Variants in PALLD observed in about 807,000 individuals in gnomAD.
PALLD encodes the protein palladin, cytoskeletal associated protein.
A neutral mutation model predicts 123.5 loss-of-function variants in PALLD; 61 were observed. The ratio of observed to expected loss-of-function variants is 0.49; its 90% confidence interval spans 0.40 to 0.61. The LOEUF is 0.61. Among genes scored for constraint, PALLD ranks in the 20% least tolerant of loss-of-function variants. PALLD has a pLI of 0.00. For missense variants in PALLD, 1,273 were observed against 1,377.0 expected, an observed-to-expected ratio of 0.92 and a Z score of 1.20; for synonymous variants, 465 against 496.4, an observed-to-expected ratio of 0.94 and a Z score of 0.84.
At position 168,822,604 on chromosome 4, in the gene PALLD, G is replaced by T. The variant is rs181095687; in HGVS notation, c.1965-68318G>T. Among the ~76,000 whole-genome samples, 485 of 152,216 alleles carry T rather than the reference G, an allele frequency of 3.2e-3. 1 individual carries two copies. Among genetic ancestry groups the T allele is most frequent in the Non-Finnish European group, 5.4e-3 (369 of 68,020 alleles). On this transcript the variant is annotated intron_variant, in intron 10 of 21. Coordinates refer to ENST00000505667, the MANE Select transcript of PALLD (RefSeq NM_001166108.2). ...AGGGATTTTTGTTAAGCCTTTTAAG[G>T]GTATCCAAATGAATTAACTATTGTG...
chr4:168,856,224 T>A (rs192281705), intron 10 of PALLD, among the ~76,000 whole-genome samples: 152 of 152,372 alleles, frequency 1.0e-3, no homozygotes, highest in Non-Finnish European at 2.0e-3. Context: ...ATGTACCACA[T>A]TGTCTTTATC....
chr4:168,507,956 T>G (rs1333810825), intron 1 of PALLD, among the ~76,000 whole-genome samples: 1 of 152,034 alleles, frequency 6.6e-6, no homozygotes, highest in African/African-American at 2.4e-5. Context: ...CCTCTTCACC[T>G]CCCCGCTCTT....
intron 2 of PALLD, among the ~76,000 whole-genome samples, chr4:168,610,479 T>C (rs1481935734): frequency 6.6e-6 from 1 of 152,194 alleles, no homozygotes; most frequent in African/African-American, 2.4e-5. Flanking sequence ...GGAGGGGTGC[T>C]GGGGAAGGCA....
chr4:168,565,113 A>G (rs28503870), intron 2 of PALLD, among the ~76,000 whole-genome samples: 3,889 of 152,094 alleles, frequency 0.026, 163 homozygotes, highest in African/African-American at 0.088. Flanking sequence ...GATGGATTGA[A>G]CCCAGGAGGT....
chr4:168,534,017 T>C (rs1039308896), intron 2 of PALLD, among the ~76,000 whole-genome samples: 3 of 152,250 alleles, frequency 2.0e-5, no homozygotes, highest in Admixed American at 6.5e-5. Flanking sequence ...TAATATATTA[T>C]GGTTCATCAG....
chr4:168,875,313 C>T (rs920871903), intron 10 of PALLD, among the ~76,000 whole-genome samples: 2 of 152,012 alleles, frequency 1.3e-5, no homozygotes, highest in Non-Finnish European at 2.9e-5. Context: ...TTCATTCTTT[C>T]GGCCTTTTTA....
intron 2 of PALLD, among the ~76,000 whole-genome samples, chr4:168,545,158 A>G (rs1424698006): frequency 6.6e-6 from 1 of 152,162 alleles, no homozygotes; most frequent in Non-Finnish European, 1.5e-5. Flanking sequence ...TCCAAAACTC[A>G]AATTCCTTAC....
intron 1 of PALLD, among the ~76,000 whole-genome samples, chr4:168,504,322 A>G (rs1481208829): frequency 3.9e-5 from 6 of 152,212 alleles, no homozygotes; most frequent in Non-Finnish European, 8.8e-5. Flanking sequence ...TTGGCCAGGC[A>G]TGGTGGCTCA....
chr4:168,560,751 C>T (rs1211628798), intron 2 of PALLD, among the ~76,000 whole-genome samples: 2 of 152,108 alleles, frequency 1.3e-5, no homozygotes, highest in Non-Finnish European at 1.5e-5. Flanking sequence ...AAGCACCAAA[C>T]CTATTAGTTT....
chr4:168,881,372 C>T (rs943509480), intron 10 of PALLD, among the ~76,000 whole-genome samples: 2 of 151,908 alleles, frequency 1.3e-5, no homozygotes, highest in Non-Finnish European at 2.9e-5. Flanking sequence ...GAGGTCAAAG[C>T]AGGGAACAAA....
chr4:168,837,506 G>A (rs552156820), intron 10 of PALLD, among the ~76,000 whole-genome samples: 16 of 152,286 alleles, frequency 1.1e-4, no homozygotes, highest in African/African-American at 3.9e-4. Flanking sequence ...ATACACTCAA[G>A]GTAAACCTGG....
At chr4:168,632,309 T>C (rs1775914994) in intron 2 of PALLD, among the ~76,000 whole-genome samples, 2 of 152,166 alleles carry the variant, frequency 1.3e-5, no homozygotes, top group African/African-American at 2.4e-5. Flanking sequence ...TGTAATCGGC[T>C]CCATCCTCGG....
At chr4:168,637,663 G>A (rs941619143) in intron 2 of PALLD, among the ~76,000 whole-genome samples, 61 of 152,226 alleles carry the variant, frequency 4.0e-4, no homozygotes, top group African/African-American at 1.3e-3. Flanking sequence ...CTGAGGATTA[G>A]CCAGGCGCAG....
intron 10 of PALLD, among the ~76,000 whole-genome samples, chr4:168,860,460 T>G (rs966810427): frequency 2.6e-5 from 4 of 152,208 alleles, no homozygotes; most frequent in Non-Finnish European, 5.9e-5. Context: ...GTACTCTTCT[T>G]GCTCACTCCA....
intron 10 of PALLD, among the ~76,000 whole-genome samples, chr4:168,860,203 G>A (rs566417006): frequency 1.5e-3 from 224 of 152,278 alleles, no homozygotes; most frequent in African/African-American, 4.8e-3. Context: ...GCTGCTGAGT[G>A]TACAAACCAG....
At chr4:168,684,660 A>G (rs1239318593) in intron 5 of PALLD, among the ~76,000 whole-genome samples, 1 of 152,232 alleles carries the variant, frequency 6.6e-6, no homozygotes, top group African/African-American at 2.4e-5. Context: ...GGACATAAAA[A>G]GACAGTGAAA....
At chr4:168,817,772 A>G (rs1161109435) in intron 10 of PALLD, among the ~76,000 whole-genome samples, 1 of 152,236 alleles carries the variant, frequency 6.6e-6, no homozygotes, top group Non-Finnish European at 1.5e-5. Flanking sequence ...CAAGAAATCA[A>G]TTTACTTATG....
intron 2 of PALLD, among the ~76,000 whole-genome samples, chr4:168,581,045 G>A (rs1251286128): frequency 6.6e-6 from 1 of 151,182 alleles, no homozygotes; most frequent in African/African-American, 2.4e-5. Context: ...GTACCCATGT[G>A]ACAAAATAAT....
chr4:168,840,997 C>T (rs1017971429), intron 10 of PALLD, among the ~76,000 whole-genome samples: 3 of 151,988 alleles, frequency 2.0e-5, no homozygotes, highest in Non-Finnish European at 2.9e-5. Context: ...ATTACAGGTG[C>T]GTGCCACCAC....
Sources: gnomAD v4.1 joint callset for allele counts (sites outside exome capture counted in the v4.1 genomes callset) on GRCh38, gnomAD v4.1.1 for gene constraint, MANE v1.5 for transcripts, NCBI Gene and HGNC (gene_info 2026-07-23, HGNC 2026-07-21) for gene names.